Variants in GPBP1 observed in about 807,000 individuals in gnomAD.
GPBP1 encodes the protein vasculin.
GPBP1 carries 13 observed loss-of-function variants against 56.5 expected under a neutral mutation model. The ratio of observed to expected loss-of-function variants is 0.23; its 90% CI spans 0.15 to 0.37. The LOEUF (loss-of-function observed/expected upper bound fraction) is 0.37, where lower values mean the gene tolerates loss of function less well. Ranked by LOEUF, GPBP1 falls within the 10% of genes least tolerant of loss-of-function variation. The pLI is 1.00. For missense variants in GPBP1, 477 were observed against 572.3 expected (o/e 0.83, Z 1.70); for synonymous variants, 204 against 188.9 (o/e 1.08, Z -0.66).
At chr5:57,191,587 G>A (rs1561327071) in intron 2 of GPBP1, among the ~76,000 whole-genome samples, 2 of 149,164 alleles carry the variant, frequency 1.3e-5, no homozygotes, top group Admixed American at 6.7e-5. Flanking sequence ...GTTTGAGACC[G>A]AGTGTCACTC....
chr5:57,182,439 C>T lies in GPBP1; in HGVS notation c.-58+6039C>T, dbSNP rs181988768. Among the ~76,000 whole-genome samples, 385 of 152,104 alleles carry T rather than the reference C, an allele frequency of 2.5e-3. 2 individuals are homozygous for T. The highest frequency in any genetic ancestry group is 4.3e-3 in the Non-Finnish European group (292 of 68,012). On this transcript the variant is annotated intron_variant, in intron 2 of 11. Coordinates refer to ENST00000506184, the MANE Select transcript of GPBP1 (RefSeq NM_022913.4). The stretch of plus-strand genomic sequence containing the variant: ...CCAGGCTGGGGTGCAGTGGTGCGAT[C>T]TCGGTTCACTGCAACCTCCAACTCC...
Position 57,175,431 on chromosome 5 carries a change from T to G in GPBP1, c.-1010-17T>G. ...AAATCAAAACTCAGTATATAATTTT[T>G]TTTATAACTTTTACAGGTGATTGAA... On this transcript the variant is annotated splice_polypyrimidine_tract_variant and intron_variant, in intron 1 of 11. Coordinates refer to ENST00000506184, the MANE Select transcript of GPBP1 (RefSeq NM_022913.4). 2.5e-6 allele frequency: 1 copy of G among 398,528 alleles called. No homozygotes were observed. Among genetic ancestry groups the G allele is most frequent in the Non-Finnish European group, 4.4e-6 (1 of 226,022 alleles). 24.7% of individuals were successfully genotyped at this position (398,528 alleles called of 1,614,324 possible).
intron 1 of GPBP1, among the ~76,000 whole-genome samples, chr5:57,174,929 A>G (rs543616451): frequency 1.3e-5 from 2 of 152,210 alleles, no homozygotes; most frequent in Admixed American, 6.5e-5. Context: ...CCCTACTTCT[A>G]GTTCACCTTT....
intron 2 of GPBP1, among the ~76,000 whole-genome samples, chr5:57,213,082 C>T (rs1030655882): frequency 6.7e-6 from 1 of 149,104 alleles, no homozygotes; most frequent in African/African-American, 2.5e-5. Context: ...CAGAGGGAGC[C>T]TTGCTCTTTT....
In GPBP1 at chr5:57,240,940, G is replaced by A. The variant is rs150856242; in HGVS notation, c.478+4908G>A. 3.3e-3 allele frequency among the ~76,000 whole-genome samples: 503 copies of A among 150,508 alleles called. 5 individuals carry two copies. The highest frequency in any genetic ancestry group is 0.012 in the African/African-American group (476 of 41,014). ...GCACTCCAGCCTGGGCAACAAGAGCGAAACTCTGTCTCCCATTTAAAAAAA... is the reference window on the plus strand; with the variant it reads ...GCACTCCAGCCTGGGCAACAAGAGCAAAACTCTGTCTCCCATTTAAAAAAA... On this transcript the variant is annotated intron_variant, in intron 6 of 11. Transcript: ENST00000506184.
In GPBP1 at chr5:57,250,943, C is replaced by A; in HGVS notation, c.973-11C>A. On this transcript the variant is annotated splice_polypyrimidine_tract_variant and intron_variant, in intron 9 of 11. Transcript: ENST00000506184. ...CATTCTTTTTTTTTTTTTTAACTCT[C>A]TAAAAATCAGGATGACGACTCATTT... The A allele has an allele frequency of 2.1e-6, 3 of 1,444,594 alleles. No individual in the cohort carries two copies. The highest frequency in any genetic ancestry group is 1.5e-5 in the African/African-American group (1 of 66,782). The allele number at this position is 1,444,594 out of a possible 1,614,324, so 89.5% of individuals were successfully genotyped here.
At chr5:57,207,729 G>A (rs891225263) in intron 2 of GPBP1, among the ~76,000 whole-genome samples, 1 of 152,162 alleles carries the variant, frequency 6.6e-6, no homozygotes, top group Non-Finnish European at 1.5e-5. Context: ...AAGCCAGGAG[G>A]GAGATGGAGT....
At chr5:57,257,224 C>T (rs927679417) in intron 10 of GPBP1, among the ~76,000 whole-genome samples, 1 of 152,078 alleles carries the variant, frequency 6.6e-6, no homozygotes, top group African/African-American at 2.4e-5. Context: ...TTAATAGAGA[C>T]GAGGTTTCAC....
chr5:57,249,990 C>A (rs143773929), intron 9 of GPBP1, among the ~76,000 whole-genome samples: 90 of 29,956 alleles, frequency 3.0e-3, no homozygotes, highest in Non-Finnish European at 4.2e-3. Context: ...CCCTCCTCCT[C>A]GTTTGAGACA....
rs752887366 is a variant in GPBP1 at position 57,249,549 on chromosome 5, A to G, written c.945A>G (p.Glu315=). The change falls in exon 9 of 12, where the codon GAA becomes GAG. Residue 315 remains glutamate (E), a synonymous_variant. Transcript: ENST00000506184. ...GAGACAGAGTAGAAGAGGAACATGA[A>G]GATGAAAGCCGTGCTGGCTCAGAGA... ...LKRDRVEEEH[E]DESRAGSEKD... is the part of the protein sequence containing the mutation. 1 of 1,608,912 alleles carries G rather than the reference A, an allele frequency of 6.2e-7. No individual in the cohort carries two copies. The highest frequency in any genetic ancestry group is 8.5e-7 in the Non-Finnish European group (1 of 1,178,628).
chr5:57,220,596 A>T (rs1299414278), intron 3 of GPBP1, among the ~76,000 whole-genome samples: 1 of 151,044 alleles, frequency 6.6e-6, no homozygotes, highest in Non-Finnish European at 1.5e-5. Context: ...AGTAGTTGGG[A>T]TTACAGGTTC....
In GPBP1 at chr5:57,262,900, A is replaced by G. The variant is rs1580094002; in HGVS notation, c.*148A>G. On this transcript the variant is annotated 3_prime_UTR_variant, in exon 12 of 12. Coordinates refer to ENST00000506184, the MANE Select transcript of GPBP1 (RefSeq NM_022913.4). Reference sequence around the variant, plus strand: ...GGGGGACTTCAATATGAAGAAAACCAAGAATGTTTTGTTGGGCTGTGTTGA... The same window carrying G: ...GGGGGACTTCAATATGAAGAAAACCGAGAATGTTTTGTTGGGCTGTGTTGA... The G allele has an allele frequency of 3.1e-6, 2 of 635,072 alleles. No homozygotes were observed. The highest frequency in any genetic ancestry group is 3.2e-5 in the Admixed American group (1 of 31,202). 39.3% of individuals were successfully genotyped at this position (635,072 alleles called of 1,614,324 possible).
intron 2 of GPBP1, among the ~76,000 whole-genome samples, chr5:57,208,152 C>A (rs1195644032): frequency 6.6e-6 from 1 of 151,960 alleles, no homozygotes. Context: ...CTTGCCTGCA[C>A]ACTTCTGTAT....
Position 57,237,326 on chromosome 5 carries a change from G to A in GPBP1, c.478+1294G>A, listed in dbSNP as rs1561363348. On this transcript the variant is annotated intron_variant, in intron 6 of 11. Coordinates refer to ENST00000506184, the MANE Select transcript of GPBP1 (RefSeq NM_022913.4). ...TTAAAAATCAAGAATGCCAGTGAGC[G>A]TTTGTCATATAAAACTATCTATAGA... 1.9e-5 allele frequency: 12 copies of A among 643,580 alleles called. No homozygotes were observed. The South Asian group carries it at 2.0e-4, about 11-fold the overall frequency. 39.9% of individuals were successfully genotyped at this position (643,580 alleles called of 1,614,324 possible). A position where few individuals can be genotyped will look rare whatever the true frequency, so the allele number is the denominator to read the frequency against.
At chr5:57,185,519 T>C (rs1754247991) in intron 2 of GPBP1, among the ~76,000 whole-genome samples, 1 of 152,136 alleles carries the variant, frequency 6.6e-6, no homozygotes, top group African/African-American at 2.4e-5. Flanking sequence ...TCCACCCCCT[T>C]CAGCCTCCTG....
intron 2 of GPBP1, among the ~76,000 whole-genome samples, chr5:57,186,467 T>A (rs1754291312): frequency 1.3e-5 from 2 of 152,064 alleles, no homozygotes; most frequent in Non-Finnish European, 2.9e-5. Context: ...CCCAAGGTCA[T>A]AGAGTTTTCT....
At chr5:57,252,234 C>G (rs1342085089) in intron 10 of GPBP1, among the ~76,000 whole-genome samples, 2 of 150,644 alleles carry the variant, frequency 1.3e-5, no homozygotes, top group Non-Finnish European at 2.9e-5. Context: ...CAGGCTTGCA[C>G]CACCATGCAC....
intron 2 of GPBP1, among the ~76,000 whole-genome samples, chr5:57,207,505 T>G (rs1188099878): frequency 6.6e-6 from 1 of 152,008 alleles, no homozygotes; most frequent in African/African-American, 2.4e-5. Flanking sequence ...GGTGAATGTT[T>G]ACAGCTCCTG....
At chr5:57,262,017 G>T (rs1257824124) in intron 11 of GPBP1, among the ~76,000 whole-genome samples, 1 of 152,020 alleles carries the variant, frequency 6.6e-6, no homozygotes, top group Non-Finnish European at 1.5e-5. Context: ...GAGCAGCTGG[G>T]GCTACTGGCT....
Sources: gnomAD v4.1 joint callset for allele counts (sites outside exome capture counted in the v4.1 genomes callset) on GRCh38, gnomAD v4.1.1 for gene constraint, MANE v1.5 for transcripts, NCBI Gene and HGNC (gene_info 2026-07-23, HGNC 2026-07-21) for gene names.